Variants in TBC1D4 observed in about 807,000 individuals in gnomAD.
TBC1D4 encodes the protein TBC (Tre-2, BUB2, CDC16) domain-containing protein.
TBC1D4 carries 121 observed loss-of-function variants against 142.5 expected under a neutral mutation model. That is an observed-to-expected ratio of 0.85 (90% CI 0.73 to 0.99). TBC1D4 has a LOEUF of 0.99. TBC1D4 is among the 50% of genes least tolerant of loss of function. The pLI is 0.00. For missense variants in TBC1D4, 1,475 were observed against 1,606.6 expected (o/e 0.92, Z 1.40); for synonymous variants, 630 against 628.2 (o/e 1.00, Z -0.04).
At chr13:75,377,457 G>T (rs1883579980) in intron 1 of TBC1D4, among the ~76,000 whole-genome samples, 9 of 151,970 alleles carry the variant, frequency 5.9e-5, no homozygotes, top group Admixed American at 5.9e-4. Flanking sequence ...TTTAATGCAG[G>T]TTTCAAAATG....
At position 75,362,614 on chromosome 13, in the gene TBC1D4, GA is replaced by G. The variant is rs1882633677; in HGVS notation, c.499-8del. ...TGCTAATAACATCAGGAACCTGGGG[GA>G]AAAAATTAAAACCCTGATTCTAGTT... is the stretch of plus-strand genomic sequence containing the variant. On this transcript the variant is annotated splice_region_variant and splice_polypyrimidine_tract_variant and intron_variant, in intron 1 of 20. Transcript: ENST00000377636. This position sits in a 1 kb window ranked among gnomAD's most constrained non-coding sequence, Gnocchi z 4.2. 6.2e-7 allele frequency: 1 copy of G among 1,613,340 alleles called. No homozygotes were observed. The highest frequency in any genetic ancestry group is 8.5e-7 in the Non-Finnish European group (1 of 1,179,802).
intron 5 of TBC1D4, among the ~76,000 whole-genome samples, chr13:75,348,932 G>C (rs1881364196): frequency 6.9e-6 from 1 of 145,480 alleles, no homozygotes; most frequent in African/African-American, 2.6e-5. Flanking sequence ...AGAGAGAGGA[G>C]AGAGAGTAGA....
rs751377903 is a variant in TBC1D4, at chr13:75,349,207, C to G, written c.1371G>C (p.Pro457=). 6.2e-7 allele frequency: 1 copy of G among 1,614,028 alleles called. No individual in the cohort carries two copies. The highest frequency in any genetic ancestry group is 1.7e-5 in the Admixed American group (1 of 59,984). The change falls in exon 5 of 21, where the codon CCG becomes CCC. Residue 457 remains proline, a synonymous_variant. Coordinates refer to ENST00000377636, the MANE Select transcript of TBC1D4 (RefSeq NM_014832.5). ...KTQIKLCEAC[P]MHSLHKLCER... ...CACAGAGCTTATGCAAAGAGTGCATCGGGCAGGCCTCACACAGTTTAATCT... is the reference window on the plus strand; with the variant it reads ...CACAGAGCTTATGCAAAGAGTGCATGGGGCAGGCCTCACACAGTTTAATCT...
At chr13:75,448,344 G>A (rs1245268624) in intron 1 of TBC1D4, among the ~76,000 whole-genome samples, 1 of 152,106 alleles carries the variant, frequency 6.6e-6, no homozygotes, top group East Asian at 1.9e-4. Flanking sequence ...AAGGTGGGCA[G>A]ATCACCTGAG....
At chr13:75,461,915 A>C (rs545314915) in intron 1 of TBC1D4, among the ~76,000 whole-genome samples, 19 of 152,344 alleles carry the variant, frequency 1.2e-4, no homozygotes, top group African/African-American at 4.6e-4. Flanking sequence ...CATAATTAAC[A>C]TGAGCTTAGG....
At chr13:75,332,115 A>G (rs1164188911) in intron 8 of TBC1D4, among the ~76,000 whole-genome samples, 1 of 152,236 alleles carries the variant, frequency 6.6e-6, no homozygotes, top group Non-Finnish European at 1.5e-5. Flanking sequence ...AAAGACTTCA[A>G]AGTTGGCACT....
intron 1 of TBC1D4, among the ~76,000 whole-genome samples, chr13:75,452,166 G>A (rs536576866): frequency 4.7e-4 from 72 of 151,964 alleles, no homozygotes; most frequent in Non-Finnish European, 7.2e-4. Flanking sequence ...AAGTAAACTC[G>A]CTGTTTATTA....
At chr13:75,472,700 C>T (rs1047047529) in intron 1 of TBC1D4, among the ~76,000 whole-genome samples, 2 of 152,162 alleles carry the variant, frequency 1.3e-5, no homozygotes, top group African/African-American at 4.8e-5. Context: ...AGTGCACAAT[C>T]TGTAAAGAGT....
intron 1 of TBC1D4, among the ~76,000 whole-genome samples, chr13:75,474,648 T>G (rs1212594167): frequency 1.2e-4 from 1 of 8,360 alleles, no homozygotes; most frequent in African/African-American, 1.6e-4. Context: ...AATTTAACCT[T>G]TTTTTTTTTT....
chr13:75,326,283 G>C lies in TBC1D4; in HGVS notation c.1947C>G (p.Ser649Arg). Residue 649 changes from serine to arginine, a missense_variant, in exon 10 of 21, where the codon AGC (serine) becomes AGG (arginine). Around this residue, in one of 2 missense-constraint regions of TBC1D4, gnomAD observed 1,227 missense variants for 1,267.7 expected, o/e 0.97. Transcript: ENST00000377636. ...RAHTFSHPPS[S>R]TKRKLNLQDG... ...CCTGCAAATTCAGCTTTCTCTTTGT[G>C]CTTGAAGGTGGGTGGCTGAACGTGT... 6.2e-7 allele frequency: 1 copy of C among 1,614,112 alleles called. No homozygotes were observed. The highest frequency in any genetic ancestry group is 8.5e-7 in the Non-Finnish European group (1 of 1,180,034).
chr13:75,481,436 T>A lies in TBC1D4; in HGVS notation c.332A>T (p.Gln111Leu). The A allele has an allele frequency of 6.2e-7, 1 of 1,613,814 alleles. No individual in the cohort carries two copies. The highest frequency in any genetic ancestry group is 8.5e-7 in the Non-Finnish European group (1 of 1,179,776). The change falls in exon 1 of 21, where the codon CAG becomes CTG. Residue 111 changes from glutamine to leucine, a missense_variant. Coordinates refer to ENST00000377636, the MANE Select transcript of TBC1D4 (RefSeq NM_014832.5). ...ASGGTSPSAT[Q>L]PNPAVFIFEH... Reference sequence around the variant, plus strand: ...GAAGATGAATACCGCCGGGTTGGGCTGCGTGGCCGACGGACTAGTGCCCCC... The same window carrying A: ...GAAGATGAATACCGCCGGGTTGGGCAGCGTGGCCGACGGACTAGTGCCCCC...
intron 18 of TBC1D4, among the ~76,000 whole-genome samples, chr13:75,292,616 A>G (rs980990684): frequency 6.6e-6 from 1 of 152,178 alleles, no homozygotes; most frequent in African/African-American, 2.4e-5. Flanking sequence ...CACAACAGGA[A>G]TACAAAAACA....
intron 1 of TBC1D4, among the ~76,000 whole-genome samples, chr13:75,396,339 G>C (rs1241958504): frequency 6.6e-6 from 1 of 152,104 alleles, no homozygotes; most frequent in East Asian, 1.9e-4. Context: ...GACTTAAAAA[G>C]CACCACTAGC....
intron 1 of TBC1D4, among the ~76,000 whole-genome samples, chr13:75,412,699 T>G (rs1885731460): frequency 6.6e-6 from 1 of 152,130 alleles, no homozygotes; most frequent in East Asian, 1.9e-4. Context: ...GGAAATGAAG[T>G]CATTAGGTCT....
intron 1 of TBC1D4, among the ~76,000 whole-genome samples, chr13:75,480,873 G>GCGCACA (rs1182212682): frequency 1.0e-5 from 1 of 98,788 alleles, no homozygotes; most frequent in East Asian, 3.4e-4. Flanking sequence ...GCGCGCACAC[G>GCGCACA]CACGCACACA....
At chr13:75,289,734 T>C (rs1307559983) in intron 19 of TBC1D4, among the ~76,000 whole-genome samples, 2 of 152,112 alleles carry the variant, frequency 1.3e-5, no homozygotes, top group South Asian at 2.1e-4. Flanking sequence ...TCCAGGGCTG[T>C]AAGGTTTAAT....
chr13:75,458,243 G>A (rs1208500215), intron 1 of TBC1D4, among the ~76,000 whole-genome samples: 1 of 152,100 alleles, frequency 6.6e-6, no homozygotes, highest in Non-Finnish European at 1.5e-5. Context: ...GTGGGAAGAT[G>A]GTCTTCCCCT....
chr13:75,405,314 G>A (rs60514203), intron 1 of TBC1D4, among the ~76,000 whole-genome samples: 1,599 of 125,998 alleles, frequency 0.013, 15 homozygotes, highest in Non-Finnish European at 0.015. Context: ...TCTGTCACCC[G>A]GCTGGAGTGC....
intron 1 of TBC1D4, among the ~76,000 whole-genome samples, chr13:75,385,620 T>C (rs767979588): frequency 1.4e-4 from 22 of 152,208 alleles, no homozygotes; most frequent in Non-Finnish European, 2.9e-4. Flanking sequence ...GCAAATAATA[T>C]TTGCTATGAA....
Sources: allele counts gnomAD v4.1 joint callset (sites outside exome capture counted in the v4.1 genomes callset), GRCh38; gene constraint gnomAD v4.1.1; regional missense constraint gnomAD v4.1.1; non-coding constraint Gnocchi (gnomAD v3.1); transcripts MANE v1.5; gene names NCBI Gene and HGNC (gene_info 2026-07-23, HGNC 2026-07-21).